Variants in JAK1 observed in about 807,000 individuals in gnomAD.
JAK1 encodes the protein tyrosine-protein kinase JAK1.
JAK1 carries 16 observed loss-of-function variants against 136.6 expected under a neutral mutation model. The observed-to-expected ratio is 0.12, with a 90% CI of 0.08 to 0.18. The LOEUF is 0.18. Ranked by LOEUF, JAK1 falls within the 10% of genes least tolerant of loss-of-function variation. The pLI is 1.00. For synonymous variants in JAK1, 492 were observed against 519.5 expected (o/e 0.95, Z 0.72); for missense variants, 859 against 1,450.1 (o/e 0.59, Z 6.62).
At chr1:65,030,460 C>G (rs952409717) in intron 2 of JAK1, among the ~76,000 whole-genome samples, 1 of 152,042 alleles carries the variant, frequency 6.6e-6, no homozygotes, top group African/African-American at 2.4e-5. Context: ...TGAAAATCAT[C>G]AGTGAATGCT....
intron 1 of JAK1, among the ~76,000 whole-genome samples, chr1:64,947,257 T>G (rs10493373): frequency 0.71 from 108,375 of 152,052 alleles, 41,224 homozygotes; most frequent in Middle Eastern, 0.91. Context: ...GCCAGTTCAA[T>G]ATATTACAGC....
intron 1 of JAK1, among the ~76,000 whole-genome samples, chr1:65,060,650 A>G (rs976923448): frequency 6.6e-6 from 1 of 152,224 alleles, no homozygotes; most frequent in Non-Finnish European, 1.5e-5. Flanking sequence ...AATAACAAGC[A>G]GCAAATTGTC....
intron 7 of JAK1, among the ~76,000 whole-genome samples, chr1:64,866,517 A>C (rs1412118061): frequency 2.6e-5 from 4 of 152,264 alleles, no homozygotes; most frequent in African/African-American, 9.6e-5. Context: ...TGGAGATAAT[A>C]GCAATACTTC....
At chr1:64,884,000 A>G (rs981421149) in intron 2 of JAK1, among the ~76,000 whole-genome samples, 1 of 152,064 alleles carries the variant, frequency 6.6e-6, no homozygotes, top group African/African-American at 2.4e-5. Flanking sequence ...CTCTCTTCAC[A>G]TCCCCACCTG....
At chr1:64,962,840 G>C (rs1300482770) in intron 1 of JAK1, among the ~76,000 whole-genome samples, 1 of 152,174 alleles carries the variant, frequency 6.6e-6, no homozygotes, top group Non-Finnish European at 1.5e-5. Flanking sequence ...GGCCAAGGCA[G>C]GCGGATCACT....
chr1:65,066,978 C>G (rs1204227854), intron 1 of JAK1, among the ~76,000 whole-genome samples: 1 of 152,128 alleles, frequency 6.6e-6, no homozygotes, highest in Non-Finnish European at 1.5e-5. Flanking sequence ...GCCCGGGGCT[C>G]CCCGCGTTGC....
intron 2 of JAK1, chr1:64,973,129 A>G (rs556305716): frequency 1.3e-5 from 2 of 152,046 alleles, no homozygotes; most frequent in South Asian, 4.2e-4. Context: ...AAAAGAAAGA[A>G]AGAAAAAGAG....
chr1:65,017,452 A>G (rs1414785250), intron 2 of JAK1, among the ~76,000 whole-genome samples: 3 of 152,208 alleles, frequency 2.0e-5, no homozygotes, highest in Non-Finnish European at 4.4e-5. Flanking sequence ...TGGGCAACAG[A>G]GAGAGACTCT....
chr1:64,925,446 G>A (rs1020655423), intron 1 of JAK1, among the ~76,000 whole-genome samples: 1 of 151,908 alleles, frequency 6.6e-6, no homozygotes, highest in African/African-American at 2.4e-5. Flanking sequence ...AGAAAATAAA[G>A]CCTTAAGGAA....
chr1:64,865,235 G>A (rs1282175581), intron 7 of JAK1, among the ~76,000 whole-genome samples: 1 of 152,156 alleles, frequency 6.6e-6, no homozygotes, highest in East Asian at 1.9e-4. Context: ...CAATGTGCAC[G>A]GAAACTCAGA....
intron 1 of JAK1, among the ~76,000 whole-genome samples, chr1:64,934,847 C>T (rs1324379441): frequency 1.3e-5 from 2 of 152,150 alleles, no homozygotes; most frequent in Non-Finnish European, 2.9e-5. Flanking sequence ...ATATTTTACT[C>T]ATTTGTATTT....
chr1:64,861,909 A>AG (rs1453212500), intron 8 of JAK1, among the ~76,000 whole-genome samples: 2 of 152,168 alleles, frequency 1.3e-5, no homozygotes, highest in Non-Finnish European at 2.9e-5. Flanking sequence ...AACAAGGGGC[A>AG]GGCTGGCCTG....
chr1:64,950,228 T>C (rs993313105), intron 1 of JAK1, among the ~76,000 whole-genome samples: 4 of 151,966 alleles, frequency 2.6e-5, no homozygotes, highest in Non-Finnish European at 5.9e-5. Flanking sequence ...GCCAACATGG[T>C]GAAACCCCGT....
At chr1:65,021,167 G>A (rs760547523) in intron 2 of JAK1, among the ~76,000 whole-genome samples, 5 of 152,180 alleles carry the variant, frequency 3.3e-5, no homozygotes, top group Non-Finnish European at 7.3e-5. Context: ...CAGCAGAATG[G>A]AGCTGGGCAA....
At chr1:64,888,123 ATTCAGAAGGGCTACCATATAAACCTT>A (rs1644879924) in intron 1 of JAK1, among the ~76,000 whole-genome samples, 1 of 152,234 alleles carries the variant, frequency 6.6e-6, no homozygotes, top group African/African-American at 2.4e-5. Context: ...CCCAGGCTCC[ATTCAGAAGGGCTACCATATAAACCTT>A]TTTAGAACTT....
In JAK1 at chr1:64,943,952, G is replaced by A. The variant is rs567565242; in HGVS notation, c.-78+22381C>T. The stretch of plus-strand genomic sequence containing the variant: ...AAAAAAAAAGTTTAGGCCAGGCGCA[G>A]TGGCTCACGCCTGTAATCCCAGCAC... On this transcript the variant is annotated intron_variant, in intron 1 of 24. Transcript: ENST00000342505. Among the ~76,000 whole-genome samples the A allele has an allele frequency of 1.3e-4, 19 of 151,856 alleles. No individual in the cohort carries two copies. The South Asian group carries it at 4.0e-3, about 32-fold the overall frequency.
At chr1:64,966,667 C>T (rs368243413), upstream of JAK1, among the ~76,000 whole-genome samples, 19 of 147,934 alleles carry the variant, frequency 1.3e-4, no homozygotes, top group East Asian at 4.2e-4. Flanking sequence ...GGGTCGCGGT[C>T]CCGGCGGAGA....
chr1:64,999,050 C>T (rs1646729334), intron 2 of JAK1, among the ~76,000 whole-genome samples: 1 of 152,018 alleles, frequency 6.6e-6, no homozygotes, highest in Non-Finnish European at 1.5e-5. Context: ...GGGATATTTC[C>T]CTTGTAAATC....
At chr1:64,872,254 G>A (rs1210398186) in intron 5 of JAK1, among the ~76,000 whole-genome samples, 1 of 152,224 alleles carries the variant, frequency 6.6e-6, no homozygotes, top group African/African-American at 2.4e-5. Flanking sequence ...GCATAGGGCA[G>A]GCCATCACAG....
Sources: allele counts gnomAD v4.1 joint callset (sites outside exome capture counted in the v4.1 genomes callset), GRCh38; gene constraint gnomAD v4.1.1; transcripts MANE v1.5; gene names NCBI Gene and HGNC (gene_info 2026-07-23, HGNC 2026-07-21).